ADGRL2: variants seen among roughly 807,000 people sequenced by gnomAD.
The protein encoded by ADGRL2 is adhesion G protein-coupled receptor L2, also known as calcium-independent alpha-latrotoxin receptor 2.
ADGRL2 carries 44 observed loss-of-function variants against 157.4 expected under a neutral mutation model. That is an observed-to-expected ratio of 0.28 (90% CI 0.22 to 0.36). The LOEUF (loss-of-function observed/expected upper bound fraction) is 0.36. ADGRL2 is among the 10% of genes least tolerant of loss of function. The pLI is 1.00. For missense variants in ADGRL2, 1,510 were observed against 1,768.9 expected (o/e 0.85, Z 2.63); for synonymous variants, 585 against 624.7 (o/e 0.94, Z 0.95).
chr1:81,690,789 G>A (rs1323976131), intron 3 of ADGRL2, among the ~76,000 whole-genome samples: 1 of 152,098 alleles, frequency 6.6e-6, no homozygotes, highest in African/African-American at 2.4e-5. Flanking sequence ...AGAGTAAAAT[G>A]TCACCAAAAG....
At chr1:81,802,484 G>A (rs928981742) in intron 1 of ADGRL2, among the ~76,000 whole-genome samples, 2 of 152,114 alleles carry the variant, frequency 1.3e-5, no homozygotes, top group African/African-American at 2.4e-5. Context: ...TTTTCTCGTG[G>A]AGCCATTGTA....
intron 2 of ADGRL2, among the ~76,000 whole-genome samples, chr1:81,778,125 T>C (rs2086662260): frequency 6.6e-6 from 1 of 151,954 alleles, no homozygotes; most frequent in African/African-American, 2.4e-5. Flanking sequence ...TGGAGACCAT[T>C]TTGGCTAACA....
intron 2 of ADGRL2, chr1:81,502,827 C>A: frequency 1.2e-6 from 2 of 1,612,498 alleles, no homozygotes; most frequent in Middle Eastern, 4.0e-4. Context: ...CTGCTGCTGC[C>A]GCTGCCGAGG....
intron 2 of ADGRL2, among the ~76,000 whole-genome samples, chr1:81,559,450 T>G: frequency 7.7e-6 from 1 of 129,144 alleles, no homozygotes; most frequent in East Asian, 2.0e-4. Context: ...ATGCTCCATG[T>G]TTTTTTTTTT....
In ADGRL2 at chr1:81,865,497, G is replaced by C. The variant is rs927378273; in HGVS notation, c.73+28440G>C. ...CCTCTTCACTTACCACCATAGATGAGGAGCCTACCTATTCTAGAAAGAAAA... is the reference window on the plus strand; with the variant it reads ...CCTCTTCACTTACCACCATAGATGACGAGCCTACCTATTCTAGAAAGAAAA... On this transcript the variant is annotated intron_variant, in intron 2 of 23. Transcript: ENST00000686636. Among the ~76,000 whole-genome samples, 36 of 152,206 alleles carry C rather than the reference G, an allele frequency of 2.4e-4. No individual in the cohort carries two copies. In the Middle Eastern group the frequency reaches 0.01, roughly 43 times the overall value.
At position 81,477,489 on chromosome 1, in the gene ADGRL2, A is replaced by C. The variant is rs550064942; in HGVS notation, c.-248+32400A>C. The stretch of plus-strand genomic sequence containing the variant: ...TAACTTCTTAAGAGACACAGCAAAG[A>C]AACAAGTTTCCTGGCAAAGTGACGG... On this transcript the variant is annotated intron_variant, in intron 2 of 24. Transcript: ENST00000370721. Among the ~76,000 whole-genome samples, 15 of 152,342 alleles carry C rather than the reference A, an allele frequency of 9.8e-5. No homozygotes were observed. The East Asian group carries it at 2.9e-3, about 29-fold the overall frequency.
At chr1:81,874,393 A>G (rs960913774) in intron 2 of ADGRL2, among the ~76,000 whole-genome samples, 3 of 152,184 alleles carry the variant, frequency 2.0e-5, no homozygotes, top group African/African-American at 7.2e-5. Flanking sequence ...AACAGTCAAC[A>G]TCTGATGGAA....
rs192072688 is a variant in ADGRL2, at chr1:81,787,147, C to T, written c.-101+25295C>T. Reference sequence around the variant, plus strand: ...CCCGCCATGATTCTGAAGCCTCCCCCGCCATGTGGAACTGTAAGTCCAATT... The same window carrying T: ...CCCGCCATGATTCTGAAGCCTCCCCTGCCATGTGGAACTGTAAGTCCAATT... On this transcript the variant is annotated intron_variant, in intron 2 of 20. Coordinates refer to the ADGRL2 transcript ENST00000359929. Among the ~76,000 whole-genome samples, 113 of 152,272 alleles carry T rather than the reference C, an allele frequency of 7.4e-4. 3 individuals carry two copies. In the South Asian group the frequency reaches 0.016, roughly 21 times the overall value.
At chr1:81,961,187 T>C (rs1402651884) in intron 11 of ADGRL2, among the ~76,000 whole-genome samples, 1 of 152,190 alleles carries the variant, frequency 6.6e-6, no homozygotes, top group Non-Finnish European at 1.5e-5. Flanking sequence ...TCAGAAAATC[T>C]ATTGAATAAG....
At chr1:81,631,341 C>T (rs1052578999) in intron 3 of ADGRL2, among the ~76,000 whole-genome samples, 3 of 152,078 alleles carry the variant, frequency 2.0e-5, no homozygotes, top group Non-Finnish European at 4.4e-5. Flanking sequence ...CTTAGCTTCC[C>T]GAGTAGCTGG....
At chr1:81,901,470 G>A (rs1429211835) in intron 2 of ADGRL2, among the ~76,000 whole-genome samples, 3 of 151,986 alleles carry the variant, frequency 2.0e-5, no homozygotes, top group Admixed American at 6.6e-5. Flanking sequence ...GTAGGTCTGG[G>A]ATAGAGCTTC....
intron 2 of ADGRL2, among the ~76,000 whole-genome samples, chr1:81,496,669 G>GAA (rs11315453): frequency 7.1e-4 from 101 of 142,886 alleles, no homozygotes; most frequent in South Asian, 5.5e-3. Flanking sequence ...AGCTGTTGAG[G>GAA]AAAAAAAAAA....
chr1:81,882,250 A>G (rs1269089270), intron 2 of ADGRL2, among the ~76,000 whole-genome samples: 1 of 152,096 alleles, frequency 6.6e-6, no homozygotes, highest in African/African-American at 2.4e-5. Context: ...ACTGTTTTCT[A>G]CCGTAACTAA....
intron 2 of ADGRL2, among the ~76,000 whole-genome samples, chr1:81,453,673 G>T (rs1439091675): frequency 6.6e-6 from 1 of 152,124 alleles, no homozygotes; most frequent in Admixed American, 6.6e-5. Context: ...ATGGTTTAGT[G>T]GACTGGTGAC....
chr1:81,532,383 T>G (rs2079621135), intron 2 of ADGRL2, among the ~76,000 whole-genome samples: 3 of 152,332 alleles, frequency 2.0e-5, no homozygotes, highest in African/African-American at 7.2e-5. Context: ...GCAAGAGTTA[T>G]GTACCAGATT....
At chr1:81,524,898 G>A (rs2079416657) in intron 2 of ADGRL2, among the ~76,000 whole-genome samples, 1 of 151,554 alleles carries the variant, frequency 6.6e-6, no homozygotes, top group African/African-American at 2.4e-5. Flanking sequence ...GTGAGAACTT[G>A]TCTCTTAAAA....
At chr1:81,800,462 TTCGGGGCCTCTGGC>T (rs1458705145), upstream of ADGRL2, 5 of 151,860 alleles carry the variant, frequency 3.3e-5, no homozygotes, top group Non-Finnish European at 5.9e-5. Context: ...AACTAAAAGT[TTCGGGGCCTCTGGC>T]TCGGTGCGTG....
At chr1:81,597,136 G>A (rs184914005) in intron 3 of ADGRL2, among the ~76,000 whole-genome samples, 2 of 152,264 alleles carry the variant, frequency 1.3e-5, no homozygotes, top group Admixed American at 6.5e-5. Context: ...AAAGCCAGTC[G>A]TCTCTTCTCT....
chr1:81,958,007 C>G (rs544517465), intron 11 of ADGRL2, among the ~76,000 whole-genome samples: 14 of 150,096 alleles, frequency 9.3e-5, no homozygotes, highest in African/African-American at 2.9e-4. Flanking sequence ...CTAAAAAATA[C>G]AAAAAAAAAT....
Sources: allele counts gnomAD v4.1 joint callset (sites outside exome capture counted in the v4.1 genomes callset), GRCh38; gene constraint gnomAD v4.1.1; transcripts MANE v1.5; gene names NCBI Gene and HGNC (gene_info 2026-07-23, HGNC 2026-07-21).